NUBP1: variants seen among roughly 807,000 people sequenced by gnomAD.
The protein encoded by NUBP1 is cytosolic Fe-S cluster assembly factor NUBP1.
NUBP1 carries 46 observed loss-of-function variants against 41.8 expected under a neutral mutation model. That is an observed-to-expected ratio of 1.10 (90% confidence interval 0.87 to 1.41). NUBP1 has a LOEUF of 1.41. Ranked by LOEUF, NUBP1 falls within the 40% of genes most tolerant of loss-of-function variation. The pLI, the probability that NUBP1 is intolerant of heterozygous loss-of-function variation, is 0.00. For synonymous variants in NUBP1, 189 were observed against 154.6 expected (o/e 1.22, Z -1.65); for missense variants, 494 against 414.0 (o/e 1.19, Z -1.68).
intron 4 of NUBP1, among the ~76,000 whole-genome samples, chr16:10,753,301 CT>C (rs1900407358): frequency 6.6e-6 from 1 of 152,140 alleles, no homozygotes; most frequent in Admixed American, 6.5e-5. Context: ...GGAAATTTAG[CT>C]CTGACTGGGA....
chr16:10,765,327 T>A lies in NUBP1; in HGVS notation c.821-2622T>A, dbSNP rs1596476005. Among the ~76,000 whole-genome samples, 4 of 111,268 alleles carry A rather than the reference T, an allele frequency of 3.6e-5. No homozygotes were observed. The highest frequency in any genetic ancestry group is 5.3e-5 in the Non-Finnish European group (3 of 56,644). 73.0% of individuals were successfully genotyped at this position (111,268 alleles called of 152,430 possible). A position where few individuals can be genotyped will look rare whatever the true frequency, so the allele number is the denominator to read the frequency against. ...TAACACAGGAAGATACCTCATCTCT[T>A]AAAAAAAAAAAAAAAAAAAAAAGGA... On this transcript the variant is annotated intron_variant, in intron 9 of 10. Coordinates refer to ENST00000283027, the MANE Select transcript of NUBP1 (RefSeq NM_002484.4). This position sits in a 1 kb window ranked among gnomAD's most constrained non-coding sequence, Gnocchi z 4.0.
At chr16:10,764,963 G>A in intron 9 of NUBP1, 1 of 175,536 alleles carries the variant, frequency 5.7e-6, no homozygotes, top group Non-Finnish European at 1.2e-5. Flanking sequence ...GCTGGGCACA[G>A]CCACCAGGGC....
Position 10,758,019 on chromosome 16 carries a change from A to G in NUBP1, c.598A>G (p.Thr200Ala), listed in dbSNP as rs1428533069. 6.2e-7 allele frequency: 1 copy of G among 1,612,580 alleles called. No individual in the cohort carries two copies. Among genetic ancestry groups the G allele is most frequent in the Non-Finnish European group, 8.5e-7 (1 of 1,179,048 alleles). ...AHIDGAVIITTPQEVSLQDVR... is the reference protein window; with the variant it reads ...AHIDGAVIITAPQEVSLQDVR... Reference sequence around the variant, plus strand: ...CATCGATGGAGCAGTGATCATCACCACTCCCCAGGTGAGCGAGCTGCCAGC... The same window carrying G: ...CATCGATGGAGCAGTGATCATCACCGCTCCCCAGGTGAGCGAGCTGCCAGC... The change falls in exon 7 of 11, where the codon ACT (threonine) becomes GCT (alanine). Residue 200 changes from threonine (T) to alanine (A), a missense_variant. Transcript: ENST00000283027.
rs150020513 is a variant in NUBP1, at chr16:10,759,478, T to A, written c.606+1451T>A. Among the ~76,000 whole-genome samples the A allele has an allele frequency of 3.5e-3, 533 of 152,238 alleles. 7 individuals carry two copies. Among genetic ancestry groups the A allele is most frequent in the African/African-American group, 0.012 (487 of 41,528 alleles). On this transcript the variant is annotated intron_variant, in intron 7 of 10. Coordinates refer to ENST00000283027, the MANE Select transcript of NUBP1 (RefSeq NM_002484.4). The surrounding 1 kb of genome is among the most constrained non-coding windows in gnomAD (Gnocchi z 4.7). ...TTAGGAATGTTTTCTGTCCCATTTTTAAAAAGTGGTTGGTGCTGGGCACAC... is the reference window on the plus strand; with the variant it reads ...TTAGGAATGTTTTCTGTCCCATTTTAAAAAAGTGGTTGGTGCTGGGCACAC...
intron 2 of NUBP1, among the ~76,000 whole-genome samples, chr16:10,744,874 C>T (rs139369418): frequency 7.4e-4 from 113 of 152,040 alleles, no homozygotes; most frequent in African/African-American, 2.6e-3. Flanking sequence ...TCTCGTGCCT[C>T]AGTCTCCCGA....
chr16:10,746,110 A>G (rs1163186284), intron 2 of NUBP1, among the ~76,000 whole-genome samples: 1 of 152,242 alleles, frequency 6.6e-6, no homozygotes, highest in Non-Finnish European at 1.5e-5. Flanking sequence ...ATGCTTTGAC[A>G]CAAGGTTGGG....
Position 10,749,780 on chromosome 16 carries a change from C to T in NUBP1, c.258+2504C>T, listed in dbSNP as rs1048706709. 6.6e-6 allele frequency among the ~76,000 whole-genome samples: 1 copy of T among 152,184 alleles called. No homozygotes were observed. The highest frequency in any genetic ancestry group is 1.5e-5 in the Non-Finnish European group (1 of 68,036). On this transcript the variant is annotated intron_variant, in intron 3 of 10. Coordinates refer to ENST00000283027, the MANE Select transcript of NUBP1 (RefSeq NM_002484.4). This position sits in a 1 kb window ranked among gnomAD's most constrained non-coding sequence, Gnocchi z 4.1. ...TCTGTGCAAGACCATTCCATGTTAG[C>T]GCTTGAGGCAGGCAGGCGCCTGTCA...
rs2031109316 is a variant in NUBP1 at position 10,767,732 on chromosome 16, C to T, written c.821-217C>T. ...CCCTGGAACCTGCATTTTCTGTACA[C>T]CACCTGATTATTTAGCCACGCTGAA... On this transcript the variant is annotated intron_variant, in intron 9 of 10. Transcript: ENST00000283027. The surrounding 1 kb of genome is among the most constrained non-coding windows in gnomAD (Gnocchi z 4.6). The T allele has an allele frequency of 1.7e-6, 1 of 579,668 alleles. No homozygotes were observed. Among genetic ancestry groups the T allele is most frequent in the Non-Finnish European group, 3.1e-6 (1 of 325,522 alleles). The allele number at this position is 579,668 out of a possible 1,614,324, so 35.9% of individuals were successfully genotyped here. A position where few individuals can be genotyped will look rare whatever the true frequency, so the allele number is the denominator to read the frequency against.
chr16:10,750,421 T>C lies in NUBP1; in HGVS notation c.259-2189T>C, dbSNP rs112558593. 2.5e-3 allele frequency among the ~76,000 whole-genome samples: 383 copies of C among 152,074 alleles called. 2 individuals are homozygous for C. The highest frequency in any genetic ancestry group is 8.5e-3 in the African/African-American group (351 of 41,476). ...CACACCCAGCTAATTTTTGTATTTT[T>C]AGTAGAGACAGGGTTTCACTATGTT... is the stretch of plus-strand genomic sequence containing the variant. On this transcript the variant is annotated intron_variant, in intron 3 of 10. Coordinates refer to ENST00000283027, the MANE Select transcript of NUBP1 (RefSeq NM_002484.4).
intron 3 of NUBP1, among the ~76,000 whole-genome samples, chr16:10,750,287 C>G (rs1399796716): frequency 6.6e-6 from 1 of 152,156 alleles, no homozygotes; most frequent in Non-Finnish European, 1.5e-5. Context: ...TTCTTTTGCC[C>G]AGGCTGGAGT....
chr16:10,751,582 C>T (rs912220460), intron 3 of NUBP1, among the ~76,000 whole-genome samples: 1 of 152,072 alleles, frequency 6.6e-6, no homozygotes, highest in African/African-American at 2.4e-5. Context: ...ACTTTGGATC[C>T]GAGTCATTGC....
chr16:10,766,723 G>A lies in NUBP1; in HGVS notation c.821-1226G>A, dbSNP rs149566275. The A allele has an allele frequency of 6.9e-5, 27 of 391,000 alleles. No individual in the cohort carries two copies. Among genetic ancestry groups the A allele is most frequent in the East Asian group, 6.5e-4 (18 of 27,584 alleles). The allele number at this position is 391,000 out of a possible 1,614,324, so 24.2% of individuals were successfully genotyped here. A position where few individuals can be genotyped will look rare whatever the true frequency, so the allele number is the denominator to read the frequency against. Reference sequence around the variant, plus strand: ...ATTGAAAATGAAAGTCAACTCCACGGTGTGGGAGGAGAACGGGCCTGAGAA... The same window carrying A: ...ATTGAAAATGAAAGTCAACTCCACGATGTGGGAGGAGAACGGGCCTGAGAA... On this transcript the variant is annotated intron_variant, in intron 9 of 10. Transcript: ENST00000283027. The surrounding 1 kb of genome is among the most constrained non-coding windows in gnomAD (Gnocchi z 4.8).
Position 10,759,665 on chromosome 16 carries a change from A to G in NUBP1, c.606+1638A>G, listed in dbSNP as rs1338780525. Among the ~76,000 whole-genome samples the G allele has an allele frequency of 6.6e-6, 1 of 152,136 alleles. No individual in the cohort carries two copies. The highest frequency in any genetic ancestry group is 1.5e-5 in the Non-Finnish European group (1 of 68,020). On this transcript the variant is annotated intron_variant, in intron 7 of 10. Transcript: ENST00000283027. This position sits in a 1 kb window ranked among gnomAD's most constrained non-coding sequence, Gnocchi z 4.7. ...GTGGTGGGCACCTGTAATCCCAGCT[A>G]CTTGGGAGGCTGAGGTGGGAGAAGT...
chr16:10,767,825 T>C lies in NUBP1; in HGVS notation c.821-124T>C. ...CCACTGGTCTTTTCTACTTTGTTCT[T>C]CATTACGAGTGAAGCGGGCTCAAGA... On this transcript the variant is annotated intron_variant, in intron 9 of 10. Transcript: ENST00000283027. The surrounding 1 kb of genome is among the most constrained non-coding windows in gnomAD (Gnocchi z 4.6). 1 of 864,302 alleles carries C rather than the reference T, an allele frequency of 1.2e-6. No homozygotes were observed. The highest frequency in any genetic ancestry group is 1.9e-6 in the Non-Finnish European group (1 of 535,162). The allele number at this position is 864,302 out of a possible 1,614,324, so 53.5% of individuals were successfully genotyped here. A position where few individuals can be genotyped will look rare whatever the true frequency, so the allele number is the denominator to read the frequency against.
Position 10,752,674 on chromosome 16 carries a change from A to C in NUBP1, c.323A>C (p.Glu108Ala). Reference sequence around the variant, plus strand: ...CCCAAGATAATGGGATTGGAAGGAGAGCAGGTAATAGCCGGTTACAGAACT... The same window carrying C: ...CCCAAGATAATGGGATTGGAAGGAGCGCAGGTAATAGCCGGTTACAGAACT... ...SIPKIMGLEG[E>A]QVHQSGSGWS... The change falls in exon 4 of 11, where the codon GAG (glutamate) becomes GCG (alanine). Residue 108 changes from glutamate to alanine, a missense_variant. Transcript: ENST00000283027. 1 of 1,613,426 alleles carries C rather than the reference A, an allele frequency of 6.2e-7. No individual in the cohort carries two copies. Among genetic ancestry groups the C allele is most frequent in the East Asian group, 2.2e-5 (1 of 44,882 alleles).
chr16:10,752,707 T>G, intron 4 of NUBP1, 29 bp downstream of exon 4: 1 of 1,592,660 alleles, frequency 6.3e-7, no homozygotes, highest in South Asian at 1.1e-5. Flanking sequence ...ACTCAGGAAA[T>G]TATTCTCTTA....
rs2031355013 is a variant in NUBP1, at chr16:10,769,287, A to G, written c.*182A>G. The G allele has an allele frequency of 3.5e-6, 2 of 577,772 alleles. No individual in the cohort carries two copies. The highest frequency in any genetic ancestry group is 6.3e-5 in the Admixed American group (2 of 31,864). The allele number at this position is 577,772 out of a possible 1,614,324, so 35.8% of individuals were successfully genotyped here. A position where few individuals can be genotyped will look rare whatever the true frequency, so the allele number is the denominator to read the frequency against. ...ATTGAGTATTTGTACACTTTTCTTT[A>G]GAACATATATAAAGGGCATTCTCTA... On this transcript the variant is annotated 3_prime_UTR_variant, in exon 11 of 11. Transcript: ENST00000283027.
rs571323697 is a variant in NUBP1 at position 10,766,457 on chromosome 16, G to T, written c.821-1492G>T. 6.6e-6 allele frequency among the ~76,000 whole-genome samples: 1 copy of T among 152,278 alleles called. No homozygotes were observed. Among genetic ancestry groups the T allele is most frequent in the Admixed American group, 6.5e-5 (1 of 15,296 alleles). Reference sequence around the variant, plus strand: ...GCATATATGTGTGTTGGGGGCTGGGGAGCCCTCTGGGGAAGGGAGACCTGG... The same window carrying T: ...GCATATATGTGTGTTGGGGGCTGGGTAGCCCTCTGGGGAAGGGAGACCTGG... On this transcript the variant is annotated intron_variant, in intron 9 of 10. Transcript: ENST00000283027. The surrounding 1 kb of genome is among the most constrained non-coding windows in gnomAD (Gnocchi z 4.8).
rs1445618937 is a variant in NUBP1 at position 10,768,016 on chromosome 16, C to T, written c.888C>T (p.Tyr296=). The stretch of plus-strand genomic sequence containing the variant: ...CAGATTCCCCAGCCACGTTAGCCTA[C>T]AGAAGTATAATTCAGAGTAAGTATT... ...DAPDSPATLA[Y]RSIIQRIQEF... The change falls in exon 10 of 11, where the codon TAC becomes TAT. Residue 296 remains tyrosine (Y), a synonymous_variant. Transcript: ENST00000283027. This position sits in a 1 kb window ranked among gnomAD's most constrained non-coding sequence, Gnocchi z 4.3. The T allele has an allele frequency of 3.1e-6, 5 of 1,614,038 alleles. No individual in the cohort carries two copies. The highest frequency in any genetic ancestry group is 4.2e-6 in the Non-Finnish European group (5 of 1,179,970).
Sources: allele counts gnomAD v4.1 joint callset (sites outside exome capture counted in the v4.1 genomes callset), GRCh38; gene constraint gnomAD v4.1.1; non-coding constraint Gnocchi (gnomAD v3.1); transcripts MANE v1.5; gene names NCBI Gene and HGNC (gene_info 2026-07-23, HGNC 2026-07-21).